The following INPP5D variants were observed in gnomAD, a reference collection of about 807,000 sequenced individuals.
The protein encoded by INPP5D is phosphatidylinositol 3,4,5-trisphosphate 5-phosphatase 1.
Under a neutral mutation model 122.9 loss-of-function variants are expected in INPP5D, and 33 were observed. The observed-to-expected ratio is 0.27, with a 90% CI of 0.20 to 0.36. INPP5D has a LOEUF of 0.36. INPP5D is among the 10% of genes least tolerant of loss of function. The pLI is 1.00. For synonymous variants in INPP5D, 584 were observed against 576.2 expected, an observed-to-expected ratio of 1.01 and a Z score of -0.19; for missense variants, 1,053 against 1,412.7, an observed-to-expected ratio of 0.75 and a Z score of 4.08.
intron 17 of INPP5D, among the ~76,000 whole-genome samples, chr2:233,174,325 G>T (rs765444096): frequency 6.6e-6 from 1 of 152,214 alleles, no homozygotes; most frequent in Non-Finnish European, 1.5e-5. Flanking sequence ...AATGTGTTGC[G>T]CTGTGACGTG....
chr2:233,086,245 C>T (rs765595537), intron 2 of INPP5D, among the ~76,000 whole-genome samples: 1 of 150,484 alleles, frequency 6.6e-6, no homozygotes, highest in African/African-American at 2.4e-5. Context: ...ATGGCATGAT[C>T]TCGGCTCACC....
At chr2:233,154,928 A>G (rs1463498272) in intron 9 of INPP5D, among the ~76,000 whole-genome samples, 1 of 152,116 alleles carries the variant, frequency 6.6e-6, no homozygotes, top group Non-Finnish European at 1.5e-5. Flanking sequence ...TAACTTAACC[A>G]CTCAGTCAGT....
intron 5 of INPP5D, chr2:233,131,297 T>C (rs1693318024): frequency 1.0e-5 from 2 of 198,296 alleles, no homozygotes; most frequent in East Asian, 1.8e-4. Context: ...ATCCAAAGAA[T>C]TGGCAAAGAA....
Position 233,197,958 on chromosome 2 carries a change from A to G in INPP5D, c.2694-137A>G. The G allele has an allele frequency of 7.8e-7, 1 of 1,286,196 alleles. No individual in the cohort carries two copies. Among genetic ancestry groups the G allele is most frequent in the Non-Finnish European group, 1.0e-6 (1 of 975,560 alleles). 79.7% of individuals were successfully genotyped at this position (1,286,196 alleles called of 1,614,324 possible). A position where few individuals can be genotyped will look rare whatever the true frequency, so the allele number is the denominator to read the frequency against. On this transcript the variant is annotated intron_variant, in intron 24 of 26. Coordinates refer to ENST00000445964, the MANE Select transcript of INPP5D (RefSeq NM_001017915.3). The surrounding 1 kb of genome is among the most constrained non-coding windows in gnomAD (Gnocchi z 4.4). ...CATGGATAGATGAATGAATGAATGGATCACTGCCCAAGAGGTGAAGGAGTT... is the reference window on the plus strand; with the variant it reads ...CATGGATAGATGAATGAATGAATGGGTCACTGCCCAAGAGGTGAAGGAGTT...
rs1694282068 is a variant in INPP5D, at chr2:233,164,635, A to G, written c.1555+211A>G. ...CACCAGCAGTCCCAGGGATCTAGCTAAAATGCAGGTTCCGACCCAGTAGAT... is the reference window on the plus strand; with the variant it reads ...CACCAGCAGTCCCAGGGATCTAGCTGAAATGCAGGTTCCGACCCAGTAGAT... On this transcript the variant is annotated intron_variant, in intron 13 of 26. Coordinates refer to ENST00000445964, the MANE Select transcript of INPP5D (RefSeq NM_001017915.3). This position sits in a 1 kb window ranked among gnomAD's most constrained non-coding sequence, Gnocchi z 4.3. 6.6e-6 allele frequency among the ~76,000 whole-genome samples: 1 copy of G among 152,182 alleles called. No homozygotes were observed. The highest frequency in any genetic ancestry group is 1.5e-5 in the Non-Finnish European group (1 of 68,026).
At chr2:233,161,667 G>T in intron 10 of INPP5D, 57 bp from the exon 11 acceptor site, 1 of 1,531,798 alleles carries the variant, frequency 6.5e-7, no homozygotes, top group Non-Finnish European at 8.8e-7. Context: ...CCTTTGCAAA[G>T]TGTAATGTGC....
intron 9 of INPP5D, among the ~76,000 whole-genome samples, chr2:233,154,046 C>T (rs1210881932): frequency 6.6e-6 from 1 of 152,234 alleles, no homozygotes; most frequent in Admixed American, 6.5e-5. Context: ...CGACAGACCC[C>T]ACCTCACTGT....
intron 2 of INPP5D, among the ~76,000 whole-genome samples, chr2:233,090,368 C>A (rs1574717013): frequency 6.6e-6 from 1 of 152,154 alleles, no homozygotes; most frequent in East Asian, 1.9e-4. Context: ...AAGAGTACTT[C>A]TTTCATTTCT....
intron 2 of INPP5D, among the ~76,000 whole-genome samples, chr2:233,102,849 C>CAAAAAAAAAGA (rs1692353406): frequency 1.1e-5 from 1 of 88,850 alleles, no homozygotes; most frequent in African/African-American, 4.0e-5. Flanking sequence ...GACTCCGTCT[C>CAAAAAAAAAGA]AAAAAAAAAA....
chr2:233,095,936 G>C (rs1422697147), intron 2 of INPP5D, among the ~76,000 whole-genome samples: 2 of 152,110 alleles, frequency 1.3e-5, no homozygotes, highest in African/African-American at 4.8e-5. Flanking sequence ...CGTATACACT[G>C]TTCTGCGATT....
Position 233,191,355 on chromosome 2 carries a change from T to C in INPP5D, c.2446+1418T>C, listed in dbSNP as rs906854345. Among the ~76,000 whole-genome samples the C allele has an allele frequency of 2.6e-5, 4 of 152,308 alleles. No homozygotes were observed. The Middle Eastern group carries it at 0.01, about 389-fold the overall frequency. Reference sequence around the variant, plus strand: ...CCCCCATGATTCAATTATCTCCACCTGGTCCCTCCAATGACACATGGGGAT... The same window carrying C: ...CCCCCATGATTCAATTATCTCCACCCGGTCCCTCCAATGACACATGGGGAT... On this transcript the variant is annotated intron_variant, in intron 22 of 26. Coordinates refer to ENST00000445964, the MANE Select transcript of INPP5D (RefSeq NM_001017915.3).
rs1362207911 is a variant in INPP5D, at chr2:233,082,662, C to T, written c.198+3264C>T. ...TTGGCCCACGTGTCATAGCCCATGA[C>T]AGCCCTGTATCAATCAGGGAGAGGA... On this transcript the variant is annotated intron_variant, in intron 2 of 26. Transcript: ENST00000445964. The surrounding 1 kb of genome is among the most constrained non-coding windows in gnomAD (Gnocchi z 4.7). Among the ~76,000 whole-genome samples the T allele has an allele frequency of 6.6e-6, 1 of 152,202 alleles. No homozygotes were observed. The highest frequency in any genetic ancestry group is 2.4e-5 in the African/African-American group (1 of 41,454).
intron 5 of INPP5D, among the ~76,000 whole-genome samples, chr2:233,132,919 C>A (rs143576616): frequency 7.3e-6 from 1 of 137,896 alleles, no homozygotes; most frequent in Non-Finnish European, 1.5e-5. Flanking sequence ...GACAGGATCT[C>A]GCTCTGTCAC....
chr2:233,173,074 C>T (rs1345696368), intron 17 of INPP5D, among the ~76,000 whole-genome samples: 6 of 152,096 alleles, frequency 3.9e-5, no homozygotes, highest in East Asian at 1.9e-4. Flanking sequence ...CCATGCATGG[C>T]GGTACACGCC....
At chr2:233,149,143 A>C (rs1264444946) in intron 9 of INPP5D, among the ~76,000 whole-genome samples, 2 of 123,810 alleles carry the variant, frequency 1.6e-5, no homozygotes, top group African/African-American at 3.2e-5. Context: ...TCGCTCTATC[A>C]CCCAGACTGG....
chr2:233,152,474 A>G (rs1693946754), intron 9 of INPP5D, among the ~76,000 whole-genome samples: 1 of 152,202 alleles, frequency 6.6e-6, no homozygotes, highest in Non-Finnish European at 1.5e-5. Flanking sequence ...AGCTTTCAGG[A>G]AAGTTTCATT....
rs542956584 is a variant in INPP5D at position 233,107,148 on chromosome 2, G to T, written c.199-14959G>T. On this transcript the variant is annotated intron_variant, in intron 2 of 26. Transcript: ENST00000445964. Reference sequence around the variant, plus strand: ...AAGTGGATGCCCATGTCTGAGAGTTGACCTGGCATGAGGGTTTCCCCAGCA... The same window carrying T: ...AAGTGGATGCCCATGTCTGAGAGTTTACCTGGCATGAGGGTTTCCCCAGCA... Among the ~76,000 whole-genome samples, 105 of 152,302 alleles carry T rather than the reference G, an allele frequency of 6.9e-4. 1 individual carries two copies. Among genetic ancestry groups the T allele is most frequent in the Admixed American group, 1.4e-3 (22 of 15,304 alleles).
chr2:233,200,523 A>G (rs899537573), intron 25 of INPP5D, among the ~76,000 whole-genome samples: 1 of 152,192 alleles, frequency 6.6e-6, no homozygotes, highest in African/African-American at 2.4e-5. Flanking sequence ...CATGGGGCAG[A>G]GCCAGCAGCG....
At chr2:233,109,403 T>C (rs561048692) in intron 2 of INPP5D, among the ~76,000 whole-genome samples, 3 of 152,356 alleles carry the variant, frequency 2.0e-5, no homozygotes, top group South Asian at 4.1e-4. Context: ...TCTGGTTCTC[T>C]GTAATTGACC....
Sources: allele counts gnomAD v4.1 joint callset (sites outside exome capture counted in the v4.1 genomes callset), GRCh38; gene constraint gnomAD v4.1.1; non-coding constraint Gnocchi (gnomAD v3.1); transcripts MANE v1.5; gene names NCBI Gene and HGNC (gene_info 2026-07-23, HGNC 2026-07-21).